CTTN: variants seen among roughly 807,000 people sequenced by gnomAD.
CTTN encodes src substrate cortactin.
Under a neutral mutation model 84.0 loss-of-function variants are expected in CTTN, and 28 were observed. The observed-to-expected ratio is 0.33, with a 90% CI of 0.25 to 0.46. The LOEUF is 0.46. Ranked by LOEUF, CTTN falls within the 20% of genes least tolerant of loss-of-function variation. The probability of loss-of-function intolerance (pLI) is 1.00; values close to 1 mark genes in which losing one functional copy is unlikely to be tolerated. For synonymous variants in CTTN, 301 were observed against 288.8 expected (o/e 1.04, Z -0.43); for missense variants, 641 against 723.8 (o/e 0.89, Z 1.31).
chr11:70,407,385 G>A lies in CTTN; in HGVS notation c.87+1G>A. The stretch of plus-strand genomic sequence containing the variant: ...CTGGGAGACCGACCCTGATTTTGTG[G>A]TAGGAGCCGCCAGCCTTTGCTTTCC... On this transcript the variant is annotated splice_donor_variant, in intron 3 of 17. Transcript: ENST00000301843. LOFTEE classifies it high-confidence loss of function. 2 of 1,603,184 alleles carry A rather than the reference G, an allele frequency of 1.2e-6. No homozygotes were observed. The highest frequency in any genetic ancestry group is 1.1e-5 in the South Asian group (1 of 90,086).
At chr11:70,405,905 C>T (rs1042181705) in intron 2 of CTTN, among the ~76,000 whole-genome samples, 2 of 152,352 alleles carry the variant, frequency 1.3e-5, no homozygotes, top group South Asian at 2.1e-4. Context: ...GTCCTGCAGG[C>T]GGGCAGCCCC....
chr11:70,431,220 C>A lies in CTTN; in HGVS notation c.1206C>A (p.Pro402=). The change falls in exon 15 of 18, where the codon CCC becomes CCA. Residue 402 remains proline, a synonymous_variant. Transcript: ENST00000301843. The part of the protein sequence containing the change: ...EEQARAKTQT[P]PVSPAPQPTE... ...AAGCCAGAGCCAAAACGCAAACGCC[C>A]CCTGTGTCGCCCGCACCTCAGCCAA... The A allele has an allele frequency of 6.2e-7, 1 of 1,614,184 alleles. No individual in the cohort carries two copies. The highest frequency in any genetic ancestry group is 8.5e-7 in the Non-Finnish European group (1 of 1,180,034).
At chr11:70,418,245 G>T (rs568425320) in intron 8 of CTTN, among the ~76,000 whole-genome samples, 1 of 152,254 alleles carries the variant, frequency 6.6e-6, no homozygotes, top group Non-Finnish European at 1.5e-5. Flanking sequence ...GTTTGTCGCG[G>T]CCTGGCCTGG....
chr11:70,428,205 C>T (rs1250768426), intron 13 of CTTN, among the ~76,000 whole-genome samples: 2 of 128,008 alleles, frequency 1.6e-5, no homozygotes, highest in Admixed American at 9.9e-5. Flanking sequence ...CTCGCTCTGT[C>T]GCGAGACTGG....
chr11:70,436,050 G>A lies in CTTN; in HGVS notation c.*888G>A. The A allele has an allele frequency of 2.8e-6, 4 of 1,425,390 alleles. No individual in the cohort carries two copies. The highest frequency in any genetic ancestry group is 3.7e-6 in the Non-Finnish European group (4 of 1,095,644). 88.3% of individuals were successfully genotyped at this position (1,425,390 alleles called of 1,614,324 possible). ...GGTGTGTGTGCCATGTCACAGCATG[G>A]CCTCTCGGCCTTGGGAAGGAAGGCA... is the stretch of plus-strand genomic sequence containing the variant. On this transcript the variant is annotated 3_prime_UTR_variant, in exon 18 of 18. Transcript: ENST00000301843.
chr11:70,408,273 A>G (rs1249855923), intron 4 of CTTN: 1 of 152,256 alleles, frequency 6.6e-6, no homozygotes, highest in African/African-American at 2.4e-5. Context: ...CCGCCTCAGT[A>G]TCCCGGGAAG....
intron 13 of CTTN, among the ~76,000 whole-genome samples, chr11:70,428,145 T>G (rs2058318356): frequency 6.8e-6 from 1 of 146,416 alleles, no homozygotes; most frequent in African/African-American, 2.5e-5. Flanking sequence ...GGCTCATGTG[T>G]CTTCCCACTT....
At position 70,435,253 on chromosome 11, in the gene CTTN, G is replaced by GT. The variant is rs370623790; in HGVS notation, c.*116dup. The GT allele has an allele frequency of 0.15, 139,499 of 905,912 alleles. 1,585 individuals are homozygous for GT. Among genetic ancestry groups the GT allele is most frequent in the South Asian group, 0.17 (6,245 of 36,244 alleles). 56.1% of individuals were successfully genotyped at this position (905,912 alleles called of 1,614,324 possible). ...TCTTGGGTGGTTTTGGGTTTTTTCT[G>GT]TTTTTTTTTTTTTTTTTTTTTTTTT... On this transcript the variant is annotated 3_prime_UTR_variant, in exon 18 of 18. Coordinates refer to ENST00000301843, the MANE Select transcript of CTTN (RefSeq NM_005231.4).
chr11:70,432,510 G>A (rs557155558), intron 15 of CTTN, among the ~76,000 whole-genome samples: 16 of 152,356 alleles, frequency 1.1e-4, no homozygotes, highest in Middle Eastern at 3.4e-3. Context: ...AGCCACTGTC[G>A]GTGATAAGCA....
chr11:70,410,206 G>A, intron 5 of CTTN: 1 of 419,648 alleles, frequency 2.4e-6, no homozygotes, highest in Non-Finnish European at 4.4e-6. Flanking sequence ...GCCCAGAGAG[G>A]GAGATTGGCC....
intron 14 of CTTN, among the ~76,000 whole-genome samples, chr11:70,430,611 A>G (rs1378011468): frequency 2.0e-5 from 3 of 152,052 alleles, no homozygotes; most frequent in African/African-American, 7.2e-5. Flanking sequence ...GTCCCTCCCC[A>G]TGGGGTCTGG....
intron 5 of CTTN, among the ~76,000 whole-genome samples, chr11:70,411,288 GCA>G (rs1437985607): frequency 9.3e-6 from 1 of 107,864 alleles, no homozygotes; most frequent in African/African-American, 3.4e-5. Flanking sequence ...CGAAGCGTGT[GCA>G]CACGGACAGA....
intron 15 of CTTN, 84 bp downstream of exon 15, chr11:70,431,364 C>G: frequency 7.1e-7 from 1 of 1,414,702 alleles, no homozygotes; most frequent in South Asian, 1.2e-5. Flanking sequence ...GAAGCCCTTG[C>G]AGGCAGGCAG....
rs1284211448 is a variant in CTTN at position 70,435,258 on chromosome 11, T to C, written c.*96T>C. 8.2e-7 allele frequency: 1 copy of C among 1,218,622 alleles called. No homozygotes were observed. The highest frequency in any genetic ancestry group is 1.6e-5 in the African/African-American group (1 of 62,860). The allele number at this position is 1,218,622 out of a possible 1,614,324, so 75.5% of individuals were successfully genotyped here. A position where few individuals can be genotyped will look rare whatever the true frequency, so the allele number is the denominator to read the frequency against. Reference sequence around the variant, plus strand: ...GGTGGTTTTGGGTTTTTTCTGTTTTTTTTTTTTTTTTTTTTTTTTTGAAGG... The same window carrying C: ...GGTGGTTTTGGGTTTTTTCTGTTTTCTTTTTTTTTTTTTTTTTTTTGAAGG... On this transcript the variant is annotated 3_prime_UTR_variant, in exon 18 of 18. Transcript: ENST00000301843.
intron 7 of CTTN, chr11:70,415,950 C>G: frequency 2.0e-6 from 1 of 488,404 alleles, no homozygotes; most frequent in Non-Finnish European, 3.7e-6. Flanking sequence ...ACACATCCCC[C>G]TCGGAGCCCT....
At position 70,422,956 on chromosome 11, in the gene CTTN, C is replaced by T. The variant is rs190841561; in HGVS notation, c.918C>T (p.Phe306=). 37 of 1,614,006 alleles carry T rather than the reference C, an allele frequency of 2.3e-5. No homozygotes were observed. In the Middle Eastern group the frequency reaches 8.2e-4, roughly 36 times the overall value. Residue 306 remains phenylalanine, a synonymous_variant, in exon 12 of 18, where the codon TTC becomes TTT. Transcript: ENST00000301843. ...HESQQDYSKG[F]GGKYGVQKDR... is the part of the protein sequence containing the mutation. ...ACGTTTCAGACTACTCCAAAGGATT[C>T]GGCGGGAAGTATGGGGTGCAGAAGG...
intron 14 of CTTN, among the ~76,000 whole-genome samples, chr11:70,430,682 C>T (rs757552521): frequency 7.9e-5 from 12 of 152,222 alleles, no homozygotes; most frequent in Non-Finnish European, 1.2e-4. Flanking sequence ...CCTTTGGCCC[C>T]TAAAGCTTCA....
chr11:70,419,753 C>G lies in CTTN; in HGVS notation c.576C>G (p.Ser192=). Reference sequence around the variant, plus strand: ...TTTTTTGTTTGTTTTTAGATTACTCCAAAGGTTTCGGCGGCAAATACGGTA... The same window carrying G: ...TTTTTTGTTTGTTTTTAGATTACTCGAAAGGTTTCGGCGGCAAATACGGTA... ...TEKHESQRDY[S]KGFGGKYGID... The change falls in exon 9 of 18, where the codon TCC becomes TCG. Residue 192 remains serine, a synonymous_variant. Coordinates refer to ENST00000301843, the MANE Select transcript of CTTN (RefSeq NM_005231.4). The G allele has an allele frequency of 6.2e-7, 1 of 1,609,088 alleles. No individual in the cohort carries two copies. Among genetic ancestry groups the G allele is most frequent in the East Asian group, 2.2e-5 (1 of 44,810 alleles).
intron 11 of CTTN, chr11:70,422,711 T>A: frequency 1.4e-6 from 2 of 1,430,978 alleles, no homozygotes; most frequent in Non-Finnish European, 1.9e-6. Flanking sequence ...CCTCAGGGAA[T>A]GCTGAAGCCT....
Sources: allele counts gnomAD v4.1 joint callset (sites outside exome capture counted in the v4.1 genomes callset), GRCh38; gene constraint gnomAD v4.1.1; transcripts MANE v1.5; gene names NCBI Gene and HGNC (gene_info 2026-07-23, HGNC 2026-07-21).